Variants in ZNF98 observed in about 807,000 individuals in gnomAD.
The protein encoded by ZNF98 is zinc finger protein 98.
Under a neutral mutation model 12.8 loss-of-function variants are expected in ZNF98, and 8 were observed. The observed-to-expected ratio is 0.63, with a 90% CI of 0.37 to 1.13. ZNF98 has a LOEUF of 1.13. Ranked by LOEUF, ZNF98 falls within the 50% of genes most tolerant of loss-of-function variation. ZNF98 has a pLI of 0.01. For missense variants in ZNF98, 379 were observed against 666.1 expected, an observed-to-expected ratio of 0.57 and a Z score of 4.74; for synonymous variants, 112 against 223.5, an observed-to-expected ratio of 0.50 and a Z score of 4.45.
At chr19:22,394,584 G>T (rs1406103878) in intron 3 of ZNF98, among the ~76,000 whole-genome samples, 2 of 151,884 alleles carry the variant, frequency 1.3e-5, no homozygotes, top group East Asian at 3.9e-4. Flanking sequence ...ACTATCACAA[G>T]GACAGAAAAC....
intron 1 of ZNF98, among the ~76,000 whole-genome samples, chr19:22,413,147 TG>T: frequency 1.3e-5 from 2 of 152,202 alleles, no homozygotes; most frequent in Middle Eastern, 3.4e-3. Flanking sequence ...ACACATAACC[TG>T]GAATCATTTT....
At chr19:22,418,429 T>C (rs1969668600) in intron 1 of ZNF98, among the ~76,000 whole-genome samples, 1 of 152,304 alleles carries the variant, frequency 6.6e-6, no homozygotes, top group African/African-American at 2.4e-5. Context: ...TCCTGGTAAA[T>C]AGCTGTGATT....
In ZNF98 at chr19:22,392,383, A is replaced by G. The variant is rs1969338345; in HGVS notation, c.852T>C (p.His284=). The change falls in exon 4 of 4, where the codon CAT becomes CAC. Residue 284 remains histidine, a synonymous_variant. Coordinates refer to ENST00000357774, the MANE Select transcript of ZNF98 (RefSeq NM_001098626.2). ...GTTTCTCTCCAGTATGAATTCTCTTATGTGTAGTAAGGTTTGCAGATTGGT... is the reference window on the plus strand; with the variant it reads ...GTTTCTCTCCAGTATGAATTCTCTTGTGTGTAGTAAGGTTTGCAGATTGGT... The part of the protein sequence containing the change: ...AFNQSANLTT[H]KRIHTGEKPY... The G allele has an allele frequency of 2.0e-6, 3 of 1,509,978 alleles. No homozygotes were observed. Among genetic ancestry groups the G allele is most frequent in the East Asian group, 2.5e-5 (1 of 40,722 alleles). 93.5% of individuals were successfully genotyped at this position (1,509,978 alleles called of 1,614,324 possible).
At chr19:22,410,033 C>T (rs1969564293) in intron 1 of ZNF98, among the ~76,000 whole-genome samples, 1 of 150,260 alleles carries the variant, frequency 6.7e-6, no homozygotes, top group South Asian at 2.1e-4. Context: ...TAGAGAAATA[C>T]AAATCAAAAC....
chr19:22,419,628 C>T (rs557068755), intron 1 of ZNF98, among the ~76,000 whole-genome samples: 25 of 152,164 alleles, frequency 1.6e-4, no homozygotes, highest in African/African-American at 5.8e-4. Flanking sequence ...AATTATAAGG[C>T]GCTTTAATTT....
intron 3 of ZNF98, among the ~76,000 whole-genome samples, chr19:22,401,035 G>A (rs1223450939): frequency 6.7e-6 from 1 of 148,226 alleles, no homozygotes; most frequent in Non-Finnish European, 1.5e-5. Context: ...AGACACCAAT[G>A]CAAAAGTTTA....
chr19:22,406,044 T>C (rs1186626237), intron 1 of ZNF98, among the ~76,000 whole-genome samples: 1 of 152,116 alleles, frequency 6.6e-6, no homozygotes, highest in Non-Finnish European at 1.5e-5. Context: ...TTTCCTCCTG[T>C]TAGTTCTAAG....
chr19:22,409,445 G>A (rs1969557265), intron 1 of ZNF98, among the ~76,000 whole-genome samples: 1 of 152,030 alleles, frequency 6.6e-6, no homozygotes, highest in South Asian at 2.1e-4. Flanking sequence ...AGAATAAGAT[G>A]TAATTAAACT....
Position 22,392,816 on chromosome 19 carries a change from T to C in ZNF98, c.419A>G (p.Asn140Ser), listed in dbSNP as rs373339437. The C allele has an allele frequency of 2.2e-4, 354 of 1,612,640 alleles. 2 individuals are homozygous for C. The African/African-American group carries it at 3.9e-3, about 18-fold the overall frequency. Residue 140 changes from asparagine to serine, a missense_variant, in exon 4 of 4, where the codon AAT becomes AGT. Asn to Ser is a conservative substitution (Grantham distance 46). Coordinates refer to ENST00000357774, the MANE Select transcript of ZNF98 (RefSeq NM_001098626.2). ...DECKVHKECY[N>S]GLNQCLTTTQ... ...AGTTGTCAAACACTGGTTAAGTCCA[T>C]TGTAACATTCTTTGTGCACCTTACA...
At chr19:22,395,077 C>G (rs1199197815) in intron 3 of ZNF98, among the ~76,000 whole-genome samples, 12 of 151,030 alleles carry the variant, frequency 7.9e-5, no homozygotes, top group Non-Finnish European at 1.6e-4. Context: ...GAAGCTGAGA[C>G]CAGATAATCA....
chr19:22,415,703 T>C (rs1381946225), intron 1 of ZNF98, among the ~76,000 whole-genome samples: 1 of 151,698 alleles, frequency 6.6e-6, no homozygotes, highest in Non-Finnish European at 1.5e-5. Flanking sequence ...AGAAGATTGC[T>C]TGAGCCTGGG....
rs757471045 is a variant in ZNF98 at position 22,392,721 on chromosome 19, G to A, written c.514C>T (p.His172Tyr). The A allele has an allele frequency of 2.5e-5, 40 of 1,605,236 alleles. No homozygotes were observed. The highest frequency in any genetic ancestry group is 5.2e-5 in the Admixed American group (3 of 57,812). ...VFHKFSNSNR[H>Y]KIGHTGKKSF... ...TTCTTTCCAGTATGTCCTATCTTAT[G>A]TCTGTTTGAATTTGAAAATTTATGA... The change falls in exon 4 of 4, where the codon CAT becomes TAT. Residue 172 changes from histidine (H) to tyrosine (Y), a missense_variant. His to Tyr is a moderately conservative substitution (Grantham distance 83). Around this residue, in one of 8 missense-constraint regions of ZNF98, gnomAD observed 223 missense variants for 261.6 expected, o/e 0.85. Transcript: ENST00000357774.
chr19:22,415,704 T>A (rs1969632144), intron 1 of ZNF98, among the ~76,000 whole-genome samples: 1 of 151,598 alleles, frequency 6.6e-6, no homozygotes, highest in South Asian at 2.1e-4. Flanking sequence ...GAAGATTGCT[T>A]GAGCCTGGGA....
Position 22,391,452 on chromosome 19 carries a change from G to A in ZNF98, c.*64C>T. The A allele has an allele frequency of 6.7e-7, 1 of 1,500,188 alleles. No homozygotes were observed. Among genetic ancestry groups the A allele is most frequent in the Non-Finnish European group, 8.9e-7 (1 of 1,125,498 alleles). 92.9% of individuals were successfully genotyped at this position (1,500,188 alleles called of 1,614,324 possible). ...CACTTGTAGAAGTTTTCTCCAGAAT[G>A]AATTACCTTACCTACAATCCAGTGT... is the stretch of plus-strand genomic sequence containing the variant. On this transcript the variant is annotated 3_prime_UTR_variant, in exon 4 of 4. Coordinates refer to ENST00000357774, the MANE Select transcript of ZNF98 (RefSeq NM_001098626.2).
At chr19:22,394,771 A>G (rs761526299) in intron 3 of ZNF98, among the ~76,000 whole-genome samples, 3 of 152,142 alleles carry the variant, frequency 2.0e-5, no homozygotes, top group Admixed American at 2.0e-4. Context: ...GGGCACATGT[A>G]CCCTAGGACT....
intron 1 of ZNF98, among the ~76,000 whole-genome samples, chr19:22,412,333 T>C (rs2145119983): frequency 6.6e-6 from 1 of 152,224 alleles, no homozygotes; most frequent in African/African-American, 2.4e-5. Flanking sequence ...TTTGGGTAAA[T>C]AATGAAATTA....
intron 1 of ZNF98, among the ~76,000 whole-genome samples, chr19:22,421,460 G>T (rs1419047085): frequency 1.3e-5 from 2 of 152,048 alleles, no homozygotes; most frequent in Admixed American, 1.3e-4. Context: ...CCAATCCCTG[G>T]ATTCCTAATT....
chr19:22,403,900 G>C (rs1490397781), intron 1 of ZNF98, among the ~76,000 whole-genome samples: 1 of 152,208 alleles, frequency 6.6e-6, no homozygotes, highest in Non-Finnish European at 1.5e-5. Context: ...AAATAAACTG[G>C]AGATCTTGTT....
intron 1 of ZNF98, among the ~76,000 whole-genome samples, chr19:22,412,826 G>C (rs1969594265): frequency 1.3e-5 from 2 of 151,986 alleles, no homozygotes. Flanking sequence ...GCCGAGGCGG[G>C]AGTATCACGA....
Sources: gnomAD v4.1 joint callset for allele counts (sites outside exome capture counted in the v4.1 genomes callset) on GRCh38, gnomAD v4.1.1 for gene constraint, gnomAD v4.1.1 regional missense constraint, MANE v1.5 for transcripts, NCBI Gene and HGNC (gene_info 2026-07-23, HGNC 2026-07-21) for gene names.